Variants in CSMD1 observed in about 807,000 individuals in gnomAD.
The protein encoded by CSMD1 is CUB and Sushi multiple domains 1, also known as CUB and sushi domain-containing protein 1.
CSMD1 carries 213 observed loss-of-function variants against 417.5 expected under a neutral mutation model. That is an observed-to-expected ratio of 0.51 (90% CI 0.46 to 0.57). CSMD1 has a LOEUF of 0.57. CSMD1 is among the 20% of genes least tolerant of loss of function. CSMD1 has a pLI of 0.00. For synonymous variants in CSMD1, 2,862 were observed against 1,736.8 expected, an observed-to-expected ratio of 1.65 and a Z score of -16.11; for missense variants, 6,923 against 4,529.7, an observed-to-expected ratio of 1.53 and a Z score of -15.17.
intron 2 of CSMD1, among the ~76,000 whole-genome samples, chr8:4,503,705 GT>G (rs1430914975): frequency 3.3e-5 from 5 of 152,136 alleles, no homozygotes; most frequent in African/African-American, 1.2e-4. Context: ...TAATGAACAA[GT>G]GGGAGCTGGA....
In CSMD1 at chr8:4,431,311, C is replaced by T. The variant is rs1797859906; in HGVS notation, c.303-11246G>A. Among the ~76,000 whole-genome samples the T allele has an allele frequency of 2.6e-5, 4 of 152,080 alleles. No individual in the cohort carries two copies. The South Asian group carries it at 8.3e-4, about 32-fold the overall frequency. On this transcript the variant is annotated intron_variant, in intron 2 of 69. Transcript: ENST00000635120. ...TCATATCTCACAAACTGTATTTTTA[C>T]TTCGTGATTTTCTTAAGGGTGAACC...
At chr8:4,696,850 C>A (rs1221900906) in intron 1 of CSMD1, among the ~76,000 whole-genome samples, 8 of 152,168 alleles carry the variant, frequency 5.3e-5, no homozygotes. Flanking sequence ...TAAGTAGTGA[C>A]AGAGCTGTAA....
intron 2 of CSMD1, among the ~76,000 whole-genome samples, chr8:4,595,684 T>G (rs936452860): frequency 6.6e-6 from 1 of 152,156 alleles, no homozygotes; most frequent in Non-Finnish European, 1.5e-5. Context: ...GGAGGATCCC[T>G]TGAACTCAGG....
At chr8:4,743,242 T>A (rs935553190) in intron 1 of CSMD1, among the ~76,000 whole-genome samples, 1 of 152,146 alleles carries the variant, frequency 6.6e-6, no homozygotes, top group Non-Finnish European at 1.5e-5. Context: ...ATAATCTATT[T>A]TAAAATGTGT....
intron 12 of CSMD1, among the ~76,000 whole-genome samples, chr8:3,413,473 A>T (rs1812942511): frequency 6.6e-6 from 1 of 152,186 alleles, no homozygotes; most frequent in Non-Finnish European, 1.5e-5. Context: ...CAAGTCCCTT[A>T]TCAGGCATTA....
chr8:3,848,884 G>C (rs1037676439), intron 5 of CSMD1, among the ~76,000 whole-genome samples: 9 of 151,462 alleles, frequency 5.9e-5, no homozygotes, highest in African/African-American at 2.2e-4. Context: ...ATGCTAAAGA[G>C]TGATATAAAG....
intron 3 of CSMD1, among the ~76,000 whole-genome samples, chr8:4,419,180 G>C (rs905294734): frequency 2.0e-5 from 3 of 152,108 alleles, no homozygotes; most frequent in Admixed American, 6.6e-5. Context: ...CCTAACGATA[G>C]ATTGCTTTTT....
intron 3 of CSMD1, among the ~76,000 whole-genome samples, chr8:4,200,989 C>G (rs1337264133): frequency 6.6e-6 from 1 of 152,056 alleles, no homozygotes; most frequent in Non-Finnish European, 1.5e-5. Context: ...ACTTTTTCTC[C>G]ACAGCGCCGT....
intron 10 of CSMD1, among the ~76,000 whole-genome samples, chr8:3,522,206 T>G (rs1319493528): frequency 6.6e-6 from 1 of 152,204 alleles, no homozygotes; most frequent in South Asian, 2.1e-4. Context: ...ATTAAATTTT[T>G]TATTATTTTA....
intron 2 of CSMD1, among the ~76,000 whole-genome samples, chr8:4,441,104 T>TTTTTTTTTTTG: frequency 8.3e-6 from 1 of 120,682 alleles, no homozygotes; most frequent in African/African-American, 3.0e-5. Context: ...GGTTTTTTTT[T>TTTTTTTTTTTG]TTTTTTTTTT....
At chr8:4,568,669 G>A in intron 2 of CSMD1, among the ~76,000 whole-genome samples, 1 of 151,968 alleles carries the variant, frequency 6.6e-6, no homozygotes, top group East Asian at 1.9e-4. Context: ...TGGTATTTCT[G>A]GTTCTAGATC....
intron 5 of CSMD1, among the ~76,000 whole-genome samples, chr8:3,782,416 G>A (rs1799230969): frequency 6.6e-6 from 1 of 152,054 alleles, no homozygotes; most frequent in Non-Finnish European, 1.5e-5. Flanking sequence ...ACTATAAATA[G>A]GCTGTTCAAC....
At chr8:3,355,067 C>T (rs1172215824) in intron 21 of CSMD1, among the ~76,000 whole-genome samples, 1 of 151,854 alleles carries the variant, frequency 6.6e-6, no homozygotes, top group East Asian at 1.9e-4. Flanking sequence ...GTAATCCATT[C>T]AAAAACTGAG....
chr8:4,330,227 G>A (rs1464015354), intron 3 of CSMD1, among the ~76,000 whole-genome samples: 1 of 151,912 alleles, frequency 6.6e-6, no homozygotes, highest in Non-Finnish European at 1.5e-5. Context: ...AGATCCACCT[G>A]TCAGATCCAC....
intron 1 of CSMD1, among the ~76,000 whole-genome samples, chr8:4,843,204 T>C (rs1267345626): frequency 6.6e-6 from 1 of 152,162 alleles, no homozygotes; most frequent in Non-Finnish European, 1.5e-5. Context: ...TGATTATAGA[T>C]GGAACAGGGC....
chr8:3,193,964 G>A (rs1796563903), intron 33 of CSMD1, among the ~76,000 whole-genome samples: 1 of 152,134 alleles, frequency 6.6e-6, no homozygotes, highest in African/African-American at 2.4e-5. Context: ...AAATCTGAGT[G>A]CATGTAGGAC....
intron 5 of CSMD1, among the ~76,000 whole-genome samples, chr8:3,822,741 C>T (rs762142455): frequency 6.6e-6 from 1 of 151,978 alleles, no homozygotes; most frequent in Non-Finnish European, 1.5e-5. Context: ...TTGTTTGGCA[C>T]CAAAGTGGAA....
chr8:3,910,427 C>A (rs1808389070), intron 5 of CSMD1, among the ~76,000 whole-genome samples: 1 of 152,166 alleles, frequency 6.6e-6, no homozygotes, highest in Non-Finnish European at 1.5e-5. Flanking sequence ...CGCTTAATCC[C>A]TTCATAAAAT....
chr8:4,522,827 C>G (rs954412856), intron 2 of CSMD1, among the ~76,000 whole-genome samples: 2 of 152,148 alleles, frequency 1.3e-5, no homozygotes, highest in Non-Finnish European at 2.9e-5. Flanking sequence ...AAGAATAGCA[C>G]ACACTAATAG....
Sources: allele counts gnomAD v4.1 joint callset (sites outside exome capture counted in the v4.1 genomes callset), GRCh38; gene constraint gnomAD v4.1.1; transcripts MANE v1.5; gene names NCBI Gene and HGNC (gene_info 2026-07-23, HGNC 2026-07-21).